Variants in ATAD2B observed in about 807,000 individuals in gnomAD.
ATAD2B encodes ATPase family AAA domain-containing protein 2B.
In ATAD2B, 40 loss-of-function variants were observed where a neutral mutation model predicts 167.6. The observed-to-expected ratio is 0.24, with a 90% CI of 0.19 to 0.31. The LOEUF (loss-of-function observed/expected upper bound fraction) is 0.31, where lower values mean the gene tolerates loss of function less well. Ranked by LOEUF, ATAD2B falls within the 10% of genes least tolerant of loss-of-function variation. ATAD2B has a pLI of 1.00. For synonymous variants in ATAD2B, 579 were observed against 596.5 expected, an observed-to-expected ratio of 0.97 and a Z score of 0.43; for missense variants, 1,242 against 1,757.2, an observed-to-expected ratio of 0.71 and a Z score of 5.24.
chr2:23,881,068 A>G (rs1021878217), intron 6 of ATAD2B, among the ~76,000 whole-genome samples: 4 of 152,244 alleles, frequency 2.6e-5, no homozygotes, highest in Non-Finnish European at 5.9e-5. Context: ...AAACAGACTT[A>G]AAATTTTACC....
intron 1 of ATAD2B, 53 bp from the exon 2 acceptor site, chr2:23,896,023 T>C: frequency 4.8e-6 from 7 of 1,464,274 alleles, no homozygotes; most frequent in South Asian, 2.5e-5. Context: ...ATAAATAGAA[T>C]TGTTAATACT....
chr2:23,874,080 G>T (rs1696419198), intron 8 of ATAD2B, among the ~76,000 whole-genome samples: 1 of 152,020 alleles, frequency 6.6e-6, no homozygotes, highest in South Asian at 2.1e-4. Context: ...CCAGCTAGTG[G>T]GGAGGCTGAG....
At chr2:23,732,422 C>T in the ATAD2B span, among the ~76,000 whole-genome samples, 1 of 152,058 alleles carries the variant, frequency 6.6e-6, no homozygotes, top group African/African-American at 2.4e-5. Flanking sequence ...ATGGTGGTTA[C>T]ATTTAGAGGA....
At chr2:23,696,627 C>A in the ATAD2B span, 1 of 817,758 alleles carries the variant, frequency 1.2e-6, no homozygotes, top group Non-Finnish European at 1.9e-6. The surrounding 1 kb of genome is among the most constrained non-coding windows in gnomAD (Gnocchi z 5.5). Context: ...AGAGCCTGGA[C>A]CATTCATATG....
chr2:23,730,441 C>T, the ATAD2B span, among the ~76,000 whole-genome samples: 7 of 151,560 alleles, frequency 4.6e-5, no homozygotes, highest in African/African-American at 1.2e-4. Context: ...CCGAGGCAGG[C>T]GGATCACAAG....
intron 13 of ATAD2B, among the ~76,000 whole-genome samples, chr2:23,844,852 A>G (rs1691487641): frequency 6.6e-6 from 1 of 152,132 alleles, no homozygotes. Flanking sequence ...AAATTTTACA[A>G]GTTTGATGAA....
At chr2:23,862,481 G>A (rs1400557148) in intron 12 of ATAD2B, among the ~76,000 whole-genome samples, 2 of 137,230 alleles carry the variant, frequency 1.5e-5, no homozygotes, top group Non-Finnish European at 1.5e-5. Context: ...TGTCATAATC[G>A]CTCACTGCAG....
intron 19 of ATAD2B, among the ~76,000 whole-genome samples, chr2:23,794,143 G>A (rs1466418991): frequency 2.0e-5 from 3 of 152,146 alleles, no homozygotes; most frequent in Non-Finnish European, 2.9e-5. Context: ...CTGAATAGCT[G>A]GGACTACAGG....
At chr2:23,805,814 C>CTGA (rs1684301185) in intron 18 of ATAD2B, among the ~76,000 whole-genome samples, 1 of 49,918 alleles carries the variant, frequency 2.0e-5, no homozygotes, top group South Asian at 5.7e-4. Flanking sequence ...AAAAACAAAT[C>CTGA]TGATACTTTA....
intron 23 of ATAD2B, 132 bp downstream of exon 23, chr2:23,765,374 T>C: frequency 1.3e-6 from 1 of 759,500 alleles, no homozygotes; most frequent in Non-Finnish European, 1.8e-6. Context: ...CACATTAGTA[T>C]CAGAAATTAA....
chr2:23,757,762 A>C lies in ATAD2B; in HGVS notation c.3734T>G (p.Val1245Gly). The change falls in exon 25 of 28, where the codon GTC becomes GGC. Residue 1245 changes from valine (V) to glycine (G), a missense_variant. By Grantham distance (109) the Val-to-Gly change is moderately radical. Around this residue, in one of 9 missense-constraint regions of ATAD2B, gnomAD observed 282 missense variants for 346.8 expected, o/e 0.81. Transcript: ENST00000238789. ...CGGGTTTAAGGAACTGCTGCTGTTG[A>C]CCAGTAGAGATTCATTTGAACTTTC... is the stretch of plus-strand genomic sequence containing the variant. ...EEESSNESLL[V>G]NSSSSLNPEQ... 1 of 1,593,170 alleles carries C rather than the reference A, an allele frequency of 6.3e-7. No homozygotes were observed. Among genetic ancestry groups the C allele is most frequent in the Non-Finnish European group, 8.5e-7 (1 of 1,172,954 alleles).
intron 22 of ATAD2B, among the ~76,000 whole-genome samples, chr2:23,775,160 G>A (rs548458303): frequency 6.6e-6 from 1 of 151,820 alleles, no homozygotes; most frequent in South Asian, 2.1e-4. Context: ...AATCTTTCAT[G>A]AACTTAGCAT....
chr2:23,926,002 T>C (rs1403878449), intron 1 of ATAD2B, among the ~76,000 whole-genome samples: 1 of 152,214 alleles, frequency 6.6e-6, no homozygotes, highest in Non-Finnish European at 1.5e-5. Context: ...GTTGATTTTG[T>C]TTTTAAAGTT....
At chr2:23,915,574 T>G (rs1390975695) in intron 1 of ATAD2B, among the ~76,000 whole-genome samples, 1 of 148,942 alleles carries the variant, frequency 6.7e-6, no homozygotes, top group Admixed American at 6.8e-5. Context: ...CAACCATGTC[T>G]GACTACCGAT....
chr2:23,712,767 C>A, the ATAD2B span, among the ~76,000 whole-genome samples: 1 of 152,004 alleles, frequency 6.6e-6, no homozygotes, highest in Non-Finnish European at 1.5e-5. Flanking sequence ...TCCCATGGAT[C>A]TCTTTACAAA....
intron 13 of ATAD2B, among the ~76,000 whole-genome samples, chr2:23,849,185 C>A (rs1165284909): frequency 6.6e-6 from 1 of 151,976 alleles, no homozygotes; most frequent in African/African-American, 2.4e-5. Flanking sequence ...AGAGACAATG[C>A]AATTAAGAAA....
intron 1 of ATAD2B, among the ~76,000 whole-genome samples, chr2:23,903,614 T>C (rs978116074): frequency 3.3e-5 from 5 of 152,186 alleles, no homozygotes; most frequent in African/African-American, 1.2e-4. Flanking sequence ...AACTTGAGAA[T>C]AACTAGAAAT....
intron 8 of ATAD2B, among the ~76,000 whole-genome samples, chr2:23,875,608 C>T (rs1174501528): frequency 6.6e-6 from 1 of 152,036 alleles, no homozygotes; most frequent in East Asian, 1.9e-4. Context: ...CAAATGAAAG[C>T]AATATGGGTC....
chr2:23,832,618 T>C (rs571466895), intron 14 of ATAD2B: 7 of 162,808 alleles, frequency 4.3e-5, no homozygotes, highest in Non-Finnish European at 9.3e-5. Flanking sequence ...GTTTCCATCA[T>C]CACAGAAAAT....
Sources: allele counts gnomAD v4.1 joint callset (sites outside exome capture counted in the v4.1 genomes callset), GRCh38; gene constraint gnomAD v4.1.1; regional missense constraint gnomAD v4.1.1; non-coding constraint Gnocchi (gnomAD v3.1); transcripts MANE v1.5; gene names NCBI Gene and HGNC (gene_info 2026-07-23, HGNC 2026-07-21).